The following MFAP5 variants were observed in gnomAD, a reference collection of about 807,000 sequenced individuals.
MFAP5 encodes the protein microfibril associated protein 5.
A neutral mutation model predicts 30.1 loss-of-function variants in MFAP5; 19 were observed. The ratio of observed to expected loss-of-function variants is 0.63; its 90% CI spans 0.44 to 0.93. The LOEUF is 0.93. MFAP5 is among the 40% of genes least tolerant of loss of function. MFAP5 has a pLI of 0.00. For synonymous variants in MFAP5, 92 were observed against 72.9 expected (o/e 1.26, Z -1.33); for missense variants, 210 against 221.3 (o/e 0.95, Z 0.32).
At chr12:8,654,580 G>A (rs2136468965) in intron 5 of MFAP5, 99 bp from the exon 6 acceptor site, 1 of 1,118,394 alleles carries the variant, frequency 8.9e-7, no homozygotes, top group Non-Finnish European at 1.3e-6. Flanking sequence ...GCAGGTGGAA[G>A]ACTATGTCTG....
rs771401299 is a variant in MFAP5, at chr12:8,655,834, A to C, written c.95-4T>G. 2 of 1,608,924 alleles carry C rather than the reference A, an allele frequency of 1.2e-6. No individual in the cohort carries two copies. Among genetic ancestry groups the C allele is most frequent in the South Asian group, 2.2e-5 (2 of 91,018 alleles). On this transcript the variant is annotated splice_polypyrimidine_tract_variant and splice_region_variant and intron_variant, in intron 3 of 9. Coordinates refer to ENST00000359478, the MANE Select transcript of MFAP5 (RefSeq NM_003480.4). ...GGAGTCGCTTGAGTCACATCGTCTG[A>C]AAAGAAAATTAGAAAACAATTTCTG...
intron 7 of MFAP5, 92 bp from the exon 8 acceptor site, chr12:8,650,681 G>A: frequency 7.5e-6 from 8 of 1,071,680 alleles, no homozygotes; most frequent in African/African-American, 6.4e-5. Flanking sequence ...GATAGAGTAG[G>A]AAAAAAATAC....
chr12:8,649,425 G>C, intron 9 of MFAP5, 76 bp downstream of exon 9: 1 of 1,353,462 alleles, frequency 7.4e-7, no homozygotes, highest in Non-Finnish European at 1.1e-6. Context: ...CCAGACTTTG[G>C]ATATAGTAAT....
chr12:8,657,280 G>A (rs1044971712), intron 3 of MFAP5, among the ~76,000 whole-genome samples: 3 of 152,020 alleles, frequency 2.0e-5, no homozygotes, highest in Admixed American at 2.0e-4. Context: ...TTAGCCTGGC[G>A]TGGTGGTGCA....
intron 3 of MFAP5, among the ~76,000 whole-genome samples, chr12:8,660,040 CCT>C (rs1591576872): frequency 2.0e-5 from 3 of 152,176 alleles, no homozygotes; most frequent in East Asian, 3.9e-4. Flanking sequence ...AGGAAGTGGT[CCT>C]CTAGGGGTCA....
chr12:8,649,448 T>C, intron 9 of MFAP5, 53 bp downstream of exon 9: 1 of 1,518,856 alleles, frequency 6.6e-7, no homozygotes, highest in African/African-American at 1.4e-5. Context: ...CATGTCCCTA[T>C]CTACCCTTCT....
intron 8 of MFAP5, among the ~76,000 whole-genome samples, chr12:8,649,841 T>A (rs1254515380): frequency 1.3e-5 from 2 of 152,192 alleles, no homozygotes; most frequent in African/African-American, 4.8e-5. Context: ...CATGGATAAG[T>A]TCTTTAGTGG....
intron 6 of MFAP5, among the ~76,000 whole-genome samples, chr12:8,652,561 G>T (rs1941865317): frequency 6.6e-6 from 1 of 152,214 alleles, no homozygotes; most frequent in African/African-American, 2.4e-5. Context: ...CAAGGAGTTA[G>T]ATGAATAGAC....
intron 2 of MFAP5, 94 bp from the exon 3 acceptor site, chr12:8,660,992 G>A: frequency 1.9e-6 from 2 of 1,078,878 alleles, no homozygotes; most frequent in Middle Eastern, 2.1e-4. Flanking sequence ...TGGAGAAATG[G>A]TTATACTTTA....
At chr12:8,651,569 G>T in intron 7 of MFAP5, 93 bp downstream of exon 7, 1 of 1,246,036 alleles carries the variant, frequency 8.0e-7, no homozygotes, top group Non-Finnish European at 1.2e-6. Flanking sequence ...AAGTAAACTA[G>T]AAGATGTGCC....
rs374890052 is a variant in MFAP5 at position 8,649,515 on chromosome 12, T to A, written c.395A>T (p.His132Leu). The A allele has an allele frequency of 9.3e-6, 15 of 1,613,892 alleles. No homozygotes were observed. Among genetic ancestry groups the A allele is most frequent in the African/African-American group, 1.3e-5 (1 of 74,936 alleles). Residue 132 changes from histidine (H) to leucine (L), a missense_variant, in exon 9 of 10, where the codon CAC (histidine) becomes CTC (leucine). Transcript: ENST00000359478. ...CATCATCTTACCTTTCATAGCTTCG[T>A]GTTCCTTACAGACAAGACGAGAGCA... Reference protein sequence around the residue: ...EICSRLVCKEHEAMKDELCRQ... With the variant: ...EICSRLVCKELEAMKDELCRQ...
intron 3 of MFAP5, among the ~76,000 whole-genome samples, chr12:8,659,273 A>T (rs1443560344): frequency 6.6e-6 from 1 of 151,590 alleles, no homozygotes; most frequent in Non-Finnish European, 1.5e-5. Flanking sequence ...GCGCAATTGT[A>T]CTACAGCCTG....
chr12:8,657,827 C>T lies in MFAP5; in HGVS notation c.95-1997G>A, dbSNP rs745649176. On this transcript the variant is annotated intron_variant, in intron 3 of 9. Transcript: ENST00000359478. ...CCTCAGGTGATCCAACCACCTTGGC[C>T]TCCCGAAGTGCTGGGATTACAGGCA... 4.6e-5 allele frequency among the ~76,000 whole-genome samples: 7 copies of T among 152,240 alleles called. No individual in the cohort carries two copies. In the South Asian group the frequency reaches 1.5e-3, roughly 32 times the overall value.
At position 8,651,786 on chromosome 12, in the gene MFAP5, C is replaced by T. The variant is rs115092457; in HGVS notation, c.218-95G>A. On this transcript the variant is annotated intron_variant, in intron 6 of 9. Coordinates refer to ENST00000359478, the MANE Select transcript of MFAP5 (RefSeq NM_003480.4). ...CCTCACTTAGGACCTGCTTGGAGTG[C>T]CCATAAATAGGGAGCAAATGAATTA... The T allele has an allele frequency of 8.8e-4, 984 of 1,124,456 alleles. 9 individuals carry two copies. In the African/African-American group the frequency reaches 0.014, roughly 16 times the overall value. The allele number at this position is 1,124,456 out of a possible 1,614,324, so 69.7% of individuals were successfully genotyped here.
At chr12:8,655,472 G>T in intron 4 of MFAP5, 25 bp from the exon 5 acceptor site, 1 of 1,600,806 alleles carries the variant, frequency 6.2e-7, no homozygotes, top group Non-Finnish European at 8.5e-7. Context: ...AACAAGGAAT[G>T]AAAAAATGCA....
intron 3 of MFAP5, among the ~76,000 whole-genome samples, chr12:8,656,668 A>ATTTTTTTTTTTTTTTTTTTTT (rs1555139703): frequency 8.4e-6 from 1 of 118,804 alleles, no homozygotes; most frequent in Non-Finnish European, 1.7e-5. Context: ...ATATATATAT[A>ATTTTTTTTTTTTTTTTTTTTT]TTTTTTTTTT....
chr12:8,649,320 T>G (rs1941766486), intron 9 of MFAP5, among the ~76,000 whole-genome samples, 181 bp downstream of exon 9: 1 of 149,858 alleles, frequency 6.7e-6, no homozygotes, highest in Admixed American at 6.6e-5. Context: ...TGTTTGTATA[T>G]CAAGCATACT....
intron 1 of MFAP5, chr12:8,662,412 T>G (rs1167876739): frequency 1.0e-5 from 3 of 291,080 alleles, no homozygotes; most frequent in East Asian, 1.5e-4. Flanking sequence ...CTTTCACCCC[T>G]GATGTGGAAT....
intron 3 of MFAP5, among the ~76,000 whole-genome samples, chr12:8,660,313 T>C (rs1001385593): frequency 2.6e-5 from 4 of 151,502 alleles, no homozygotes; most frequent in South Asian, 2.1e-4. Flanking sequence ...CTCAGCCTCC[T>C]GAGTAGCTAG....
Sources: gnomAD v4.1 joint callset for allele counts (sites outside exome capture counted in the v4.1 genomes callset) on GRCh38, gnomAD v4.1.1 for gene constraint, MANE v1.5 for transcripts, NCBI Gene and HGNC (gene_info 2026-07-23, HGNC 2026-07-21) for gene names.